The following RAB38 variants were observed in gnomAD, a reference collection of about 807,000 sequenced individuals.
RAB38 encodes RAB38, member RAS oncogene family.
A neutral mutation model predicts 18.4 loss-of-function variants in RAB38; 15 were observed. The observed-to-expected ratio is 0.82, with a 90% CI of 0.55 to 1.26. RAB38 has a LOEUF of 1.26. Ranked by LOEUF, RAB38 falls within the 50% of genes most tolerant of loss-of-function variation. The pLI, the probability that RAB38 is intolerant of heterozygous loss-of-function variation, is 0.00. For missense variants in RAB38, 294 were observed against 267.4 expected, an observed-to-expected ratio of 1.10 and a Z score of -0.69; for synonymous variants, 101 against 104.4, an observed-to-expected ratio of 0.97 and a Z score of 0.20.
chr11:88,175,195 A>T lies in RAB38; in HGVS notation c.190T>A (p.Trp64Arg). 6.2e-7 allele frequency: 1 copy of T among 1,610,068 alleles called. No individual in the cohort carries two copies. Among genetic ancestry groups the T allele is most frequent in the East Asian group, 2.2e-5 (1 of 44,804 alleles). ...CCCCCGCGCTCACCTGCGATATCCC[A>T]GAGCTGCAGGCGCACCACAGTCTCC... Reference protein sequence around the residue: ...DPETVVRLQLWDIAGQERFGN... With the variant: ...DPETVVRLQLRDIAGQERFGN... The change falls in exon 1 of 3, where the codon TGG (tryptophan) becomes AGG (arginine). Residue 64 changes from tryptophan (W) to arginine (R), a missense_variant. Coordinates refer to ENST00000243662, the MANE Select transcript of RAB38 (RefSeq NM_022337.3).
chr11:88,125,405 T>C (rs1379354880), intron 2 of RAB38, among the ~76,000 whole-genome samples: 1 of 152,186 alleles, frequency 6.6e-6, no homozygotes, highest in African/African-American at 2.4e-5. Flanking sequence ...ACATAACTTT[T>C]TTGGAAGTAT....
chr11:87,896,740 T>G, the RAB38 span, among the ~76,000 whole-genome samples: 2 of 151,764 alleles, frequency 1.3e-5, no homozygotes, highest in Non-Finnish European at 3.0e-5. Flanking sequence ...CTAATCGTAT[T>G]GACCCTCAAT....
the RAB38 span, among the ~76,000 whole-genome samples, chr11:87,963,370 A>G: frequency 2.0e-5 from 3 of 152,168 alleles, no homozygotes; most frequent in South Asian, 6.2e-4. Flanking sequence ...GGCATAAATA[A>G]TATGATTCTC....
the RAB38 span, among the ~76,000 whole-genome samples, chr11:87,828,702 T>G: frequency 2.0e-5 from 3 of 152,222 alleles, no homozygotes; most frequent in Non-Finnish European, 4.4e-5. Flanking sequence ...CTACCTTTTT[T>G]GGGTAATTTA....
intron 1 of RAB38, among the ~76,000 whole-genome samples, chr11:88,165,147 A>G (rs993373052): frequency 1.3e-5 from 2 of 152,188 alleles, no homozygotes; most frequent in African/African-American, 4.8e-5. Flanking sequence ...AGCACCTTCT[A>G]AAAGCAATGT....
At chr11:87,950,133 A>G in the RAB38 span, among the ~76,000 whole-genome samples, 1 of 152,050 alleles carries the variant, frequency 6.6e-6, no homozygotes, top group African/African-American at 2.4e-5. Flanking sequence ...TGATCCCTTT[A>G]CCATTATGTA....
At chr11:87,961,142 C>T in the RAB38 span, among the ~76,000 whole-genome samples, 1 of 152,096 alleles carries the variant, frequency 6.6e-6, no homozygotes, top group Non-Finnish European at 1.5e-5. Context: ...AACCTAATGG[C>T]ACTTGTGGCG....
chr11:88,053,501 T>C, the RAB38 span, among the ~76,000 whole-genome samples: 1 of 148,984 alleles, frequency 6.7e-6, no homozygotes, highest in East Asian at 1.9e-4. Context: ...AATATATATA[T>C]ATATTCCATG....
chr11:87,938,548 T>A, the RAB38 span, among the ~76,000 whole-genome samples: 3 of 151,602 alleles, frequency 2.0e-5, no homozygotes, highest in East Asian at 5.8e-4. Flanking sequence ...TTCAGTGCCA[T>A]TAGGTTGCAG....
At chr11:87,893,248 A>T in the RAB38 span, among the ~76,000 whole-genome samples, 1 of 150,576 alleles carries the variant, frequency 6.6e-6, no homozygotes, top group Non-Finnish European at 1.5e-5. Context: ...TCAGAGTTTT[A>T]GTTATCAAAG....
At chr11:87,936,951 A>G in the RAB38 span, among the ~76,000 whole-genome samples, 2 of 151,926 alleles carry the variant, frequency 1.3e-5, no homozygotes, top group Admixed American at 6.6e-5. Flanking sequence ...TTAGATTTGT[A>G]TGCATTTTCA....
At chr11:88,080,616 C>G in the RAB38 span, among the ~76,000 whole-genome samples, 1 of 151,902 alleles carries the variant, frequency 6.6e-6, no homozygotes, top group Admixed American at 6.6e-5. Flanking sequence ...GGAAAACCCA[C>G]GTAAACTGAT....
At chr11:87,923,256 A>T in the RAB38 span, among the ~76,000 whole-genome samples, 1 of 151,902 alleles carries the variant, frequency 6.6e-6, no homozygotes, top group Non-Finnish European at 1.5e-5. Flanking sequence ...ATGAAACCGG[A>T]AAGAGACGGT....
chr11:87,860,219 A>AT, the RAB38 span, among the ~76,000 whole-genome samples: 1 of 152,040 alleles, frequency 6.6e-6, no homozygotes. Context: ...TATAAATAAG[A>AT]GCAATACTAA....
intron 2 of RAB38, among the ~76,000 whole-genome samples, chr11:88,147,377 A>G (rs1943002136): frequency 6.6e-6 from 1 of 152,158 alleles, no homozygotes; most frequent in Non-Finnish European, 1.5e-5. Flanking sequence ...TGCACTTACA[A>G]TGTAATGTAA....
chr11:88,029,180 G>A, the RAB38 span, among the ~76,000 whole-genome samples: 2 of 151,958 alleles, frequency 1.3e-5, no homozygotes, highest in African/African-American at 4.8e-5. Context: ...AGCAAATGCT[G>A]AGAGATTTTG....
chr11:88,098,021 A>C, the RAB38 span: 6 of 151,936 alleles, frequency 3.9e-5, no homozygotes, highest in African/African-American at 1.4e-4. Flanking sequence ...TGATTTATCA[A>C]GGGGAATGGT....
At chr11:88,091,904 T>C in the RAB38 span, among the ~76,000 whole-genome samples, 1 of 151,878 alleles carries the variant, frequency 6.6e-6, no homozygotes, top group Admixed American at 6.6e-5. Flanking sequence ...GTAAACCCAC[T>C]TTCAATTACA....
At chr11:88,159,634 T>C (rs113803479) in intron 1 of RAB38, among the ~76,000 whole-genome samples, 2 of 151,872 alleles carry the variant, frequency 1.3e-5, no homozygotes, top group Non-Finnish European at 2.9e-5. Flanking sequence ...AACAGACACA[T>C]AGACCAATGA....
Sources: gnomAD v4.1 joint callset for allele counts (sites outside exome capture counted in the v4.1 genomes callset) on GRCh38, gnomAD v4.1.1 for gene constraint, MANE v1.5 for transcripts, NCBI Gene and HGNC (gene_info 2026-07-23, HGNC 2026-07-21) for gene names.